SPIDR: variants seen among roughly 807,000 people sequenced by gnomAD.
SPIDR encodes DNA repair-scaffolding protein.
Under a neutral mutation model 104.6 loss-of-function variants are expected in SPIDR, and 93 were observed. The ratio of observed to expected loss-of-function variants is 0.89; its 90% confidence interval spans 0.75 to 1.06. The LOEUF is 1.06. Ranked by LOEUF, SPIDR falls within the 50% of genes least tolerant of loss-of-function variation. The pLI is 0.00. For missense variants in SPIDR, 1,154 were observed against 1,111.2 expected, an observed-to-expected ratio of 1.04 and a Z score of -0.55; for synonymous variants, 431 against 416.9, an observed-to-expected ratio of 1.03 and a Z score of -0.41.
At chr8:47,576,544 G>A (rs566247343) in intron 8 of SPIDR, among the ~76,000 whole-genome samples, 24 of 152,110 alleles carry the variant, frequency 1.6e-4, no homozygotes, top group African/African-American at 5.5e-4. Context: ...AACTATCCTC[G>A]TGCTTCAGCC....
intron 7 of SPIDR, among the ~76,000 whole-genome samples, chr8:47,421,676 G>T (rs1414244989): frequency 6.6e-6 from 1 of 152,238 alleles, no homozygotes; most frequent in Non-Finnish European, 1.5e-5. Context: ...TTTGGAGGAG[G>T]AGAGGCTCTC....
intron 5 of SPIDR, among the ~76,000 whole-genome samples, chr8:47,321,983 A>G (rs1554596207): frequency 4.6e-5 from 7 of 152,240 alleles, no homozygotes; most frequent in Non-Finnish European, 1.0e-4. Flanking sequence ...ACCTGAAACC[A>G]TAAAAACCCA....
intron 11 of SPIDR, among the ~76,000 whole-genome samples, chr8:47,696,449 A>G (rs1486524740): frequency 2.0e-5 from 3 of 152,234 alleles, no homozygotes; most frequent in Non-Finnish European, 2.9e-5. Flanking sequence ...GGTAATTACT[A>G]AAACAGCAAA....
intron 8 of SPIDR, among the ~76,000 whole-genome samples, chr8:47,517,816 C>T (rs1351632413): frequency 6.6e-6 from 1 of 152,142 alleles, no homozygotes; most frequent in Non-Finnish European, 1.5e-5. Context: ...TTTGATGTAT[C>T]ATTTGAGGGT....
chr8:47,361,167 A>G (rs1554629724), intron 5 of SPIDR, among the ~76,000 whole-genome samples: 1 of 152,194 alleles, frequency 6.6e-6, no homozygotes, highest in Admixed American at 6.5e-5. Context: ...AAATGGTAAT[A>G]CCTACTTCTA....
chr8:47,469,021 A>C (rs1465452708), intron 8 of SPIDR, among the ~76,000 whole-genome samples: 1 of 152,242 alleles, frequency 6.6e-6, no homozygotes, highest in Non-Finnish European at 1.5e-5. Context: ...CTCTTTAAAA[A>C]GTAAGCAAAT....
At chr8:47,661,903 T>C (rs2074175939) in intron 10 of SPIDR, among the ~76,000 whole-genome samples, 2 of 152,226 alleles carry the variant, frequency 1.3e-5, no homozygotes, top group African/African-American at 4.8e-5. Context: ...TTGAGTCACA[T>C]TCTCCATAGA....
intron 5 of SPIDR, among the ~76,000 whole-genome samples, chr8:47,315,874 G>T (rs2045245827): frequency 6.6e-6 from 1 of 152,116 alleles, no homozygotes; most frequent in African/African-American, 2.4e-5. Context: ...ATGAATCATA[G>T]ATCTATATGT....
chr8:47,367,033 T>C (rs79266824), intron 5 of SPIDR, among the ~76,000 whole-genome samples: 1 of 152,220 alleles, frequency 6.6e-6, no homozygotes, highest in East Asian at 1.9e-4. Flanking sequence ...CTCCTGTGAT[T>C]ATGTTTAATA....
chr8:47,476,000 CTT>C (rs1240256665), intron 8 of SPIDR, among the ~76,000 whole-genome samples: 1 of 152,140 alleles, frequency 6.6e-6, no homozygotes, highest in Admixed American at 6.5e-5. Context: ...AGATTTACCT[CTT>C]TGAGGTTTTT....
intron 11 of SPIDR, chr8:47,697,737 C>T (rs2079556796): frequency 6.6e-6 from 1 of 152,670 alleles, no homozygotes; most frequent in Admixed American, 6.5e-5. Context: ...CACCACCCCC[C>T]AGCCTTCTTC....
At chr8:47,583,903 A>G (rs2060001136) in intron 8 of SPIDR, among the ~76,000 whole-genome samples, 1 of 152,070 alleles carries the variant, frequency 6.6e-6, no homozygotes, top group Admixed American at 6.5e-5. Flanking sequence ...CCGAGTCACA[A>G]CCTTTTCCTT....
At chr8:47,440,616 T>G in intron 8 of SPIDR, 74 bp downstream of exon 8, 2 of 1,458,214 alleles carry the variant, frequency 1.4e-6, no homozygotes, top group Non-Finnish European at 1.9e-6. Flanking sequence ...TTTTATCAGT[T>G]ACATTTTTGT....
chr8:47,276,898 G>A (rs1469469557), intron 1 of SPIDR: 2 of 147,960 alleles, frequency 1.4e-5, no homozygotes, highest in African/African-American at 2.5e-5. Context: ...CCACTGGAAT[G>A]TAAGGCATTA....
intron 19 of SPIDR, among the ~76,000 whole-genome samples, chr8:47,733,629 C>CCTGCTT (rs762938014): frequency 9.2e-5 from 14 of 151,998 alleles, no homozygotes; most frequent in Non-Finnish European, 1.9e-4. Context: ...GTGCGGTGAC[C>CCTGCTT]CTGCTTCTGC....
chr8:47,496,810 A>ATGTT (rs56406549), intron 8 of SPIDR, among the ~76,000 whole-genome samples: 40,136 of 145,880 alleles, frequency 0.28, 6,761 homozygotes, highest in African/African-American at 0.48. Flanking sequence ...ATCTGGGCCT[A>ATGTT]TGTTTGTTTG....
intron 7 of SPIDR, among the ~76,000 whole-genome samples, chr8:47,432,757 G>T (rs556511872): frequency 6.6e-6 from 1 of 152,254 alleles, no homozygotes; most frequent in South Asian, 2.1e-4. Context: ...GAAGCTACGG[G>T]ATTTGAGGCT....
At chr8:47,302,517 C>T (rs1661744998) in intron 5 of SPIDR, among the ~76,000 whole-genome samples, 1 of 152,198 alleles carries the variant, frequency 6.6e-6, no homozygotes, top group Admixed American at 6.6e-5. Context: ...GGAGGAGAGG[C>T]ACTCTGATTT....
chr8:47,715,025 T>C (rs888004208), intron 16 of SPIDR, among the ~76,000 whole-genome samples: 4 of 152,164 alleles, frequency 2.6e-5, no homozygotes, highest in Non-Finnish European at 5.9e-5. Context: ...CAAAGATCAC[T>C]ACAATCTAAT....
Sources: allele counts gnomAD v4.1 joint callset (sites outside exome capture counted in the v4.1 genomes callset), GRCh38; gene constraint gnomAD v4.1.1; transcripts MANE v1.5; gene names NCBI Gene and HGNC (gene_info 2026-07-23, HGNC 2026-07-21).